The following CCSER1 variants were observed in gnomAD, a reference collection of about 807,000 sequenced individuals.
CCSER1 encodes serine-rich coiled-coil domain-containing protein 1.
CCSER1 carries 41 observed loss-of-function variants against 82.0 expected under a neutral mutation model. That is an observed-to-expected ratio of 0.50 (90% CI 0.39 to 0.65). The LOEUF (loss-of-function observed/expected upper bound fraction) is 0.65. CCSER1 is among the 30% of genes least tolerant of loss of function. The probability of loss-of-function intolerance (pLI) is 0.00; values close to 1 mark genes in which losing one functional copy is unlikely to be tolerated. For synonymous variants in CCSER1, 414 were observed against 383.9 expected (o/e 1.08, Z -0.92); for missense variants, 1,119 against 1,064.2 (o/e 1.05, Z -0.72).
intron 5 of CCSER1, among the ~76,000 whole-genome samples, chr4:90,613,728 C>T (rs747151795): frequency 1.3e-5 from 2 of 151,982 alleles, no homozygotes; most frequent in Admixed American, 1.3e-4. Context: ...AGGAGTTTCT[C>T]GAAGGAACAT....
At chr4:90,951,449 TC>T (rs746452166) in intron 9 of CCSER1, 4 of 152,060 alleles carry the variant, frequency 2.6e-5, no homozygotes, top group Non-Finnish European at 5.9e-5. Context: ...GAAACTTTTT[TC>T]GGTTACTTTT....
chr4:91,360,744 G>A (rs1749194993), intron 10 of CCSER1, among the ~76,000 whole-genome samples: 1 of 151,760 alleles, frequency 6.6e-6, no homozygotes, highest in African/African-American at 2.4e-5. Context: ...GAGAAAGGAT[G>A]CTACATTTGA....
rs935435627 is a variant in CCSER1 at position 91,095,525 on chromosome 4, C to T, written c.2217+9531C>T. Among the ~76,000 whole-genome samples, 12 of 152,122 alleles carry T rather than the reference C, an allele frequency of 7.9e-5. No individual in the cohort carries two copies. The East Asian group carries it at 9.7e-4, about 12-fold the overall frequency. ...CTTGATCAGCTATCTCCCGTAACTG[C>T]GAGGTATTCATCTCTGCAAAAACAG... On this transcript the variant is annotated intron_variant, in intron 10 of 10. Transcript: ENST00000509176.
chr4:91,455,807 G>A (rs1038690185), intron 10 of CCSER1, among the ~76,000 whole-genome samples: 1 of 152,048 alleles, frequency 6.6e-6, no homozygotes, highest in African/African-American at 2.4e-5. Context: ...AATTTGATGA[G>A]AGTAAAGATG....
chr4:91,065,310 A>G (rs1720690418), intron 9 of CCSER1, among the ~76,000 whole-genome samples: 1 of 152,146 alleles, frequency 6.6e-6, no homozygotes, highest in Non-Finnish European at 1.5e-5. Context: ...GAAGCTATGA[A>G]TATAGAAAAT....
At chr4:90,835,722 T>G (rs1399536934) in intron 8 of CCSER1, among the ~76,000 whole-genome samples, 1 of 152,226 alleles carries the variant, frequency 6.6e-6, no homozygotes, top group Non-Finnish European at 1.5e-5. Flanking sequence ...AAATTGAATT[T>G]TCCCAGAGAG....
chr4:90,318,977 T>C (rs1454894815), intron 3 of CCSER1, among the ~76,000 whole-genome samples: 4 of 152,180 alleles, frequency 2.6e-5, no homozygotes, highest in African/African-American at 9.7e-5. Flanking sequence ...GGGTGGGGCA[T>C]GCTTCATTTG....
chr4:91,186,264 T>C (rs998466115), intron 10 of CCSER1, among the ~76,000 whole-genome samples: 2 of 152,144 alleles, frequency 1.3e-5, no homozygotes, highest in African/African-American at 4.8e-5. Flanking sequence ...ATAAACATGC[T>C]CTGTAACCTC....
At chr4:90,732,209 G>A (rs1359531778) in intron 7 of CCSER1, among the ~76,000 whole-genome samples, 1 of 152,110 alleles carries the variant, frequency 6.6e-6, no homozygotes, top group Non-Finnish European at 1.5e-5. Flanking sequence ...CACAGGAAAA[G>A]AAAGGGAAAC....
chr4:91,168,461 C>T (rs1180401833), intron 10 of CCSER1, among the ~76,000 whole-genome samples: 4 of 141,004 alleles, frequency 2.8e-5, no homozygotes, highest in Non-Finnish European at 6.1e-5. Context: ...AAGCAGGGAG[C>T]ACCTCTGCCC....
At chr4:90,782,686 T>TTTC (rs373016410) in intron 7 of CCSER1, among the ~76,000 whole-genome samples, 23,148 of 116,838 alleles carry the variant, frequency 0.2, 2,310 homozygotes, top group Non-Finnish European at 0.27. Flanking sequence ...TCTTTCTTTC[T>TTTC]TTTTTTTTTT....
chr4:91,008,480 T>TTA (rs1010787895), intron 9 of CCSER1, among the ~76,000 whole-genome samples: 9 of 152,240 alleles, frequency 5.9e-5, no homozygotes, highest in African/African-American at 2.2e-4. Context: ...GTGACAGTTT[T>TTA]TAACTTGTAG....
intron 6 of CCSER1, among the ~76,000 whole-genome samples, chr4:90,673,640 C>T (rs1733231255): frequency 6.6e-6 from 1 of 151,942 alleles, no homozygotes; most frequent in South Asian, 2.1e-4. Context: ...TAGAAATCCT[C>T]TCCACAAAGG....
At chr4:90,725,155 C>A in intron 7 of CCSER1, 1 of 205,894 alleles carries the variant, frequency 4.9e-6, no homozygotes, top group Non-Finnish European at 1.0e-5. Context: ...TTGATGTTAC[C>A]GTTTTATGGT....
At chr4:90,540,984 A>G (rs1776030383) in intron 5 of CCSER1, among the ~76,000 whole-genome samples, 1 of 152,086 alleles carries the variant, frequency 6.6e-6, no homozygotes, top group East Asian at 1.9e-4. Context: ...CTAAAATCCT[A>G]CATTTAAAAT....
At chr4:90,749,487 G>A (rs147320797) in intron 7 of CCSER1, among the ~76,000 whole-genome samples, 2,017 of 152,090 alleles carry the variant, frequency 0.013, 52 homozygotes, top group African/African-American at 0.046. Flanking sequence ...CTCTAGCTTT[G>A]TTCTTTTGGC....
At chr4:90,201,386 T>C (rs983456780) in intron 1 of CCSER1, among the ~76,000 whole-genome samples, 1 of 152,012 alleles carries the variant, frequency 6.6e-6, no homozygotes, top group Non-Finnish European at 1.5e-5. Context: ...CACAAGATGT[T>C]ATATAATTGA....
chr4:90,340,641 A>G (rs1741215706), intron 3 of CCSER1, among the ~76,000 whole-genome samples: 5 of 152,154 alleles, frequency 3.3e-5, no homozygotes, highest in Admixed American at 1.3e-4. Flanking sequence ...CAGTAATTCA[A>G]TTAATTTAAC....
chr4:90,492,497 G>A (rs750213940), intron 5 of CCSER1, among the ~76,000 whole-genome samples: 2 of 151,860 alleles, frequency 1.3e-5, no homozygotes, highest in African/African-American at 2.4e-5. Flanking sequence ...TTTTTGAAGG[G>A]CTTTTTGTGT....
Sources: allele counts gnomAD v4.1 joint callset (sites outside exome capture counted in the v4.1 genomes callset), GRCh38; gene constraint gnomAD v4.1.1; transcripts MANE v1.5; gene names NCBI Gene and HGNC (gene_info 2026-07-23, HGNC 2026-07-21).